The following SRPX2 variants were observed in gnomAD, a reference collection of about 807,000 sequenced individuals.
The protein encoded by SRPX2 is sushi repeat-containing protein SRPX2.
SRPX2 carries 26 observed loss-of-function variants against 45.3 expected under a neutral mutation model. The ratio of observed to expected loss-of-function variants is 0.57; its 90% CI spans 0.42 to 0.80. SRPX2 has a LOEUF of 0.80. Ranked by LOEUF, SRPX2 falls within the 30% of genes least tolerant of loss-of-function variation. The pLI, the probability that SRPX2 is intolerant of heterozygous loss-of-function variation, is 0.00. For missense variants in SRPX2, 355 were observed against 399.8 expected (o/e 0.89, Z 0.95); for synonymous variants, 125 against 143.7 (o/e 0.87, Z 0.93).
intron 3 of SRPX2, among the ~76,000 whole-genome samples, chrX:100,659,391 C>T (rs181472004): frequency 3.3e-4 from 37 of 111,596 alleles, no homozygotes; most frequent in African/African-American, 1.2e-3. Context: ...GCATTTAGAC[C>T]GACCTTTATA....
At chrX:100,647,366 C>T (rs2083138795) in intron 2 of SRPX2, among the ~76,000 whole-genome samples, 1 of 112,807 alleles carries the variant, frequency 8.9e-6, no homozygotes, top group Non-Finnish European at 1.9e-5. Context: ...AGGCCTTTGG[C>T]AGTAGCTCTG....
At chrX:100,670,623 G>A (rs2083221053) in intron 10 of SRPX2, among the ~76,000 whole-genome samples, 184 bp from the exon 11 acceptor site, 1 of 111,448 alleles carries the variant, frequency 9.0e-6, no homozygotes, top group Non-Finnish European at 1.9e-5. Context: ...GAGGCAGCAA[G>A]AGTAGAATCT....
chrX:100,668,726 G>A (rs1569362694), intron 9 of SRPX2, among the ~76,000 whole-genome samples: 1 of 111,890 alleles, frequency 8.9e-6, no homozygotes, highest in Non-Finnish European at 1.9e-5. Flanking sequence ...CCTGGAGACC[G>A]AGCGAAGGCC....
chrX:100,665,989 C>G (rs1005632336), intron 7 of SRPX2, among the ~76,000 whole-genome samples: 1 of 112,272 alleles, frequency 8.9e-6, no homozygotes, highest in Non-Finnish European at 1.9e-5. Context: ...TCGTTCACCT[C>G]TGATAAAACT....
Position 100,670,982 on chromosome X carries a change from G to T in SRPX2, c.1393G>T (p.Glu465Ter). The T allele has an allele frequency of 8.3e-7, 1 of 1,207,047 alleles. No homozygotes were observed. Among genetic ancestry groups the T allele is most frequent in the Non-Finnish European group, 1.1e-6 (1 of 892,904 alleles). ...TQRREQRDIC[E>*] ...GCGTCGGGAGCAAAGGGACATATGC[G>T]AGTGAACTTGAGCCAGGGCATGGTT... Residue 465 changes from glutamate to a stop codon, truncating the protein, a stop_gained, in exon 11 of 11, where the codon GAG becomes TAG. Transcript: ENST00000373004. LOFTEE classifies it high-confidence loss of function.
intron 3 of SRPX2, among the ~76,000 whole-genome samples, chrX:100,652,622 T>A (rs751883944): frequency 9.1e-6 from 1 of 109,828 alleles, no homozygotes; most frequent in African/African-American, 3.3e-5. Flanking sequence ...GAGAAGAGAG[T>A]TTTAAGGAAA....
chrX:100,648,682 G>C (rs865989436), intron 2 of SRPX2, among the ~76,000 whole-genome samples: 2 of 112,413 alleles, frequency 1.8e-5, no homozygotes, highest in Admixed American at 9.4e-5. Flanking sequence ...TCCGCACCCT[G>C]ATGGAGACTG....
chrX:100,665,357 GTA>G lies in SRPX2; in HGVS notation c.648_649del (p.Thr217HisfsTer10). The G allele has an allele frequency of 8.3e-7, 1 of 1,210,044 alleles. No homozygotes were observed. The highest frequency in any genetic ancestry group is 1.1e-6 in the Non-Finnish European group (1 of 894,615). ...CCGTTGGTGAAAGATTCTGCTGATGGTACCATCACCAGGTGAGCCTGAATAAT... is the reference window on the plus strand; with the variant it reads ...CCGTTGGTGAAAGATTCTGCTGATGGCCATCACCAGGTGAGCCTGAATAAT... On this transcript the variant is annotated frameshift_variant, in exon 6 of 11. Coordinates refer to ENST00000373004, the MANE Select transcript of SRPX2 (RefSeq NM_014467.3). LOFTEE classifies it high-confidence loss of function.
At chrX:100,656,996 C>T (rs1313997980) in intron 3 of SRPX2, among the ~76,000 whole-genome samples, 4 of 109,815 alleles carry the variant, frequency 3.6e-5, no homozygotes, top group African/African-American at 9.9e-5. Flanking sequence ...GGCGCCATCT[C>T]GGCTCACTGC....
chrX:100,665,569 C>G lies in SRPX2; in HGVS notation c.693C>G (p.His231Gln), dbSNP rs142719253. Residue 231 changes from histidine (H) to glutamine (Q), a missense_variant, in exon 7 of 11, where the codon CAC becomes CAG. Transcript: ENST00000373004. ...TTCGGGGCCCTGAGCCTGGCTCTCACTTTCCCGAAGGAGAGCATGTGATTC... is the reference window on the plus strand; with the variant it reads ...TTCGGGGCCCTGAGCCTGGCTCTCAGTTTCCCGAAGGAGAGCATGTGATTC... ...VTLRGPEPGS[H>Q]FPEGEHVIRY... 8.3e-7 allele frequency: 1 copy of G among 1,212,091 alleles called. No individual in the cohort carries two copies. Among genetic ancestry groups the G allele is most frequent in the Admixed American group, 2.2e-5 (1 of 46,086 alleles).
At chrX:100,658,610 A>G (rs2083177847) in intron 3 of SRPX2, among the ~76,000 whole-genome samples, 1 of 111,759 alleles carries the variant, frequency 8.9e-6, no homozygotes, top group African/African-American at 3.3e-5. Flanking sequence ...TTAGTTCCAC[A>G]TTAATTTTAG....
chrX:100,662,934 T>A (rs1423262914), intron 4 of SRPX2, among the ~76,000 whole-genome samples: 1 of 112,255 alleles, frequency 8.9e-6, no homozygotes, highest in Non-Finnish European at 1.9e-5. Flanking sequence ...GCAGCTGAAC[T>A]TTTCCTGTCC....
At position 100,672,905 on chromosome X, in the gene SRPX2, C is replaced by T. The variant is rs1214436684; in HGVS notation, c.*1918C>T. On this transcript the variant is annotated 3_prime_UTR_variant, in exon 11 of 11. Coordinates refer to ENST00000373004, the MANE Select transcript of SRPX2 (RefSeq NM_014467.3). ...TCCACTGGGATTTTAGTGGAAATCT[C>T]ATTTTTAAAATGCAATATAAAAAAT... 8.9e-6 allele frequency: 1 copy of T among 112,034 alleles called. No individual in the cohort carries two copies. The highest frequency in any genetic ancestry group is 1.9e-5 in the Non-Finnish European group (1 of 53,241). 9.2% of individuals were successfully genotyped at this position (112,034 alleles called of 1,213,427 possible). A position where few individuals can be genotyped will look rare whatever the true frequency, so the allele number is the denominator to read the frequency against.
At position 100,652,270 on chromosome X, in the gene SRPX2, G is replaced by A. The variant is rs137965586; in HGVS notation, c.163+1405G>A. ...TCAAAGAAAGAGATGACAAGACTTA[G>A]TACAGACTTGATGTACCAAGAGGCT... On this transcript the variant is annotated intron_variant, in intron 3 of 10. Coordinates refer to ENST00000373004, the MANE Select transcript of SRPX2 (RefSeq NM_014467.3). Among the ~76,000 whole-genome samples, 86 of 112,252 alleles carry A rather than the reference G, an allele frequency of 7.7e-4. No homozygotes were observed. In the East Asian group the frequency reaches 0.023, roughly 30 times the overall value.
At position 100,665,630 on chromosome X, in the gene SRPX2, A is replaced by T; in HGVS notation, c.754A>T (p.Ser252Cys). The T allele has an allele frequency of 8.2e-7, 1 of 1,212,146 alleles. No individual in the cohort carries two copies. Among genetic ancestry groups the T allele is most frequent in the Non-Finnish European group, 1.1e-6 (1 of 895,631 alleles). Residue 252 changes from serine to cysteine, a missense_variant, in exon 7 of 11, where the codon AGC (serine) becomes TGC (cysteine). Transcript: ENST00000373004. Reference protein sequence around the residue: ...TAYDRAYNRASCKFIVKVQVR... With the variant: ...TAYDRAYNRACCKFIVKVQVR... ...CTATGACCGAGCCTACAACCGGGCC[A>T]GCTGCAAGTTCATTGTGAAAGTACA... is the stretch of plus-strand genomic sequence containing the variant.
intron 3 of SRPX2, among the ~76,000 whole-genome samples, chrX:100,655,137 G>A (rs1346805736): frequency 1.8e-5 from 2 of 111,985 alleles, no homozygotes; most frequent in African/African-American, 6.5e-5. Flanking sequence ...CTTGGACTCT[G>A]GACAAACACC....
rs2083223089 is a variant in SRPX2 at position 100,671,024 on chromosome X, C to T, written c.*37C>T. On this transcript the variant is annotated 3_prime_UTR_variant, in exon 11 of 11. Coordinates refer to ENST00000373004, the MANE Select transcript of SRPX2 (RefSeq NM_014467.3). The stretch of plus-strand genomic sequence containing the variant: ...GGCATGGTTAAAGTCAAGGGAAAAG[C>T]TCCTCTAGTTAGCTGAAACTGGGAC... The T allele has an allele frequency of 8.5e-7, 1 of 1,174,690 alleles. No homozygotes were observed. The highest frequency in any genetic ancestry group is 1.7e-5 in the African/African-American group (1 of 57,199).
chrX:100,656,149 C>A (rs760849797), intron 3 of SRPX2, among the ~76,000 whole-genome samples: 2 of 110,842 alleles, frequency 1.8e-5, no homozygotes, highest in East Asian at 5.6e-4. Flanking sequence ...GGGTGAGCCA[C>A]CACGCCCAGC....
At chrX:100,670,181 T>G (rs1198828479) in intron 10 of SRPX2, among the ~76,000 whole-genome samples, 1 of 111,520 alleles carries the variant, frequency 9.0e-6, no homozygotes, top group Non-Finnish European at 1.9e-5. Context: ...TCATTATCTA[T>G]CCAGTATCAC....
Sources: allele counts gnomAD v4.1 joint callset (sites outside exome capture counted in the v4.1 genomes callset), GRCh38; gene constraint gnomAD v4.1.1; transcripts MANE v1.5; gene names NCBI Gene and HGNC (gene_info 2026-07-23, HGNC 2026-07-21).